Variants in POM121 observed in about 807,000 individuals in gnomAD.
POM121 encodes nuclear envelope pore membrane protein POM 121.
POM121 carries 32 observed loss-of-function variants against 81.3 expected under a neutral mutation model. The ratio of observed to expected loss-of-function variants is 0.39; its 90% CI spans 0.30 to 0.53. The LOEUF is 0.53. Ranked by LOEUF, POM121 falls within the 20% of genes least tolerant of loss-of-function variation. The pLI is 0.66. For synonymous variants in POM121, 514 were observed against 694.2 expected, an observed-to-expected ratio of 0.74 and a Z score of 4.08; for missense variants, 1,138 against 1,614.6, an observed-to-expected ratio of 0.70 and a Z score of 5.06.
chr7:72,915,540 A>AT (rs1342253697), intron 4 of POM121, among the ~76,000 whole-genome samples: 4 of 151,868 alleles, frequency 2.6e-5, no homozygotes, highest in African/African-American at 7.3e-5. Flanking sequence ...ACCCGGCTAA[A>AT]TTTTTTGTAT....
At chr7:72,922,499 G>C (rs1794904672), upstream of POM121, among the ~76,000 whole-genome samples, 1 of 151,770 alleles carries the variant, frequency 6.6e-6, no homozygotes, top group Non-Finnish European at 1.5e-5. Flanking sequence ...CGATTCTCCA[G>C]CCTCAGCCTC....
chr7:72,879,739 G>A (rs1323905647), exon 1 of POM121: 15 of 473,524 alleles, frequency 3.2e-5, no homozygotes, highest in South Asian at 1.4e-4. Flanking sequence ...GATTTGCCCC[G>A]TAGGCCCGGC....
chr7:72,884,514 CATATA>C (rs1211495712), intron 1 of POM121, among the ~76,000 whole-genome samples: 5 of 89,212 alleles, frequency 5.6e-5, no homozygotes, highest in South Asian at 3.5e-4. Flanking sequence ...CAAATATATA[CATATA>C]ATATATATTT....
In POM121 at chr7:72,894,151, A is replaced by T. The variant is rs542128759; in HGVS notation, c.-216+3041A>T. Reference sequence around the variant, plus strand: ...TGGTGACACGCGCCTGTAGTCCCAGATATTTGGAGGCTGAGGCACAAGAAT... The same window carrying T: ...TGGTGACACGCGCCTGTAGTCCCAGTTATTTGGAGGCTGAGGCACAAGAAT... On this transcript the variant is annotated intron_variant, in intron 3 of 15. Transcript: ENST00000395270. Among the ~76,000 whole-genome samples the T allele has an allele frequency of 3.3e-5, 5 of 151,856 alleles. No homozygotes were observed. In the East Asian group the frequency reaches 9.8e-4, roughly 30 times the overall value.
chr7:72,924,897 C>G, upstream of POM121: 1 of 657,478 alleles, frequency 1.5e-6, no homozygotes, highest in Non-Finnish European at 2.2e-6. Context: ...TCCACGGGAT[C>G]GCCTCCGGAT....
intron 11 of POM121, among the ~76,000 whole-genome samples, chr7:72,944,860 C>A (rs1192168723): frequency 3.9e-5 from 6 of 152,016 alleles, no homozygotes; most frequent in African/African-American, 9.7e-5. Context: ...CCTCACAGGG[C>A]GAAGTCACCG....
intron 3 of POM121, among the ~76,000 whole-genome samples, chr7:72,907,719 C>T (rs1793398435): frequency 6.6e-6 from 1 of 152,144 alleles, no homozygotes; most frequent in Admixed American, 6.6e-5. Flanking sequence ...CCATGTTGGC[C>T]AGGCTGGTCT....
chr7:72,924,516 G>C (rs1244366456), upstream of POM121: 42 of 152,074 alleles, frequency 2.8e-4, no homozygotes, highest in African/African-American at 8.9e-4. Context: ...TATCTTTATG[G>C]TGCTACAAAA....
intron 3 of POM121, among the ~76,000 whole-genome samples, chr7:72,898,260 G>A (rs1421089308): frequency 6.6e-6 from 1 of 152,122 alleles, no homozygotes; most frequent in Admixed American, 6.6e-5. Flanking sequence ...AATTTTTAAT[G>A]TTTTGAAAAT....
chr7:72,899,612 T>C (rs1478177848), intron 3 of POM121, among the ~76,000 whole-genome samples: 3 of 146,026 alleles, frequency 2.1e-5, no homozygotes, highest in African/African-American at 7.6e-5. Context: ...AGAATCTCGC[T>C]CTGTCGCCCA....
rs1218890874 is a variant in POM121 at position 72,943,307 on chromosome 7, C to T, written c.3314C>T (p.Pro1105Leu). Residue 1105 changes from proline (P) to leucine (L), a missense_variant, in exon 11 of 13, where the codon CCC becomes CTC. By Grantham distance (98) the Pro-to-Leu change is moderately conservative (BLOSUM62 -3). This residue lies in a region of POM121 where 336 missense variants were observed against 344.3 expected (regional missense o/e 0.98). Transcript: ENST00000434423. ...SPFTFGGSAA[P>L]AGSGSFGINV... ...TTCACGTTTGGGGGTTCGGCAGCCC[C>T]CGCTGGCAGTGGGAGCTTTGGGATC... 6 of 1,607,844 alleles carry T rather than the reference C, an allele frequency of 3.7e-6. No homozygotes were observed. The highest frequency in any genetic ancestry group is 5.1e-6 in the Non-Finnish European group (6 of 1,177,578).
intron 4 of POM121, among the ~76,000 whole-genome samples, chr7:72,917,374 A>G (rs1163887153): frequency 5.9e-5 from 9 of 152,312 alleles, no homozygotes; most frequent in African/African-American, 1.9e-4. Flanking sequence ...GCCAAGGTGA[A>G]AGCTTAGGTC....
intron 3 of POM121, among the ~76,000 whole-genome samples, chr7:72,910,657 C>T (rs1275825605): frequency 2.6e-5 from 4 of 151,822 alleles, no homozygotes; most frequent in Non-Finnish European, 5.9e-5. Flanking sequence ...ACAGTGTCTA[C>T]AGTATCTGGG....
At chr7:72,917,121 C>A (rs1254107503) in intron 4 of POM121, among the ~76,000 whole-genome samples, 3 of 152,170 alleles carry the variant, frequency 2.0e-5, no homozygotes, top group African/African-American at 7.2e-5. Context: ...TCATTGAAGG[C>A]TGTAGTAGTA....
At chr7:72,886,880 T>G (rs1790771714) in intron 1 of POM121, among the ~76,000 whole-genome samples, 1 of 151,232 alleles carries the variant, frequency 6.6e-6, no homozygotes, top group African/African-American at 2.4e-5. Context: ...CATGGTATCA[T>G]TTTTTTCATG....
chr7:72,944,375 AAAAT>A (rs1481296365), intron 11 of POM121, among the ~76,000 whole-genome samples: 1 of 152,122 alleles, frequency 6.6e-6, no homozygotes, highest in Non-Finnish European at 1.5e-5. Context: ...TGAAGTAGAG[AAAAT>A]CTGGGAGAGA....
chr7:72,919,547 T>C (rs1435374613), intron 4 of POM121, among the ~76,000 whole-genome samples: 13 of 152,140 alleles, frequency 8.5e-5, no homozygotes, highest in Non-Finnish European at 1.2e-4. Flanking sequence ...AATGACACAA[T>C]TATGGCTCAC....
Position 72,942,258 on chromosome 7 carries a change from C to T in POM121, c.2265C>T (p.Pro755=). 2 of 1,608,456 alleles carry T rather than the reference C, an allele frequency of 1.2e-6. No homozygotes were observed. The highest frequency in any genetic ancestry group is 1.7e-6 in the Non-Finnish European group (2 of 1,179,672). ...GCCCTTCAGTCACAGCCACAGCGCC[C>T]TCCAGCTCCTCCCTCCCCACGACCA... The part of the protein sequence containing the change: ...PPGPSVTATA[P]SSSSLPTTTS... Residue 755 remains proline (P), a synonymous_variant, in exon 11 of 13, where the codon CCC becomes CCT. Transcript: ENST00000434423.
chr7:72,888,445 G>A (rs1393869260), intron 1 of POM121, among the ~76,000 whole-genome samples: 3 of 152,156 alleles, frequency 2.0e-5, no homozygotes, highest in African/African-American at 7.2e-5. Flanking sequence ...CCTGACCTCA[G>A]GTGATCTGCC....
Sources: allele counts gnomAD v4.1 joint callset (sites outside exome capture counted in the v4.1 genomes callset), GRCh38; gene constraint gnomAD v4.1.1; regional missense constraint gnomAD v4.1.1; transcripts MANE v1.5; gene names NCBI Gene and HGNC (gene_info 2026-07-23, HGNC 2026-07-21).